Variants in CARD8 observed in about 807,000 individuals in gnomAD.
CARD8 encodes caspase recruitment domain family member 8.
In CARD8, 38 loss-of-function variants were observed where a neutral mutation model predicts 53.2. The observed-to-expected ratio is 0.71, with a 90% CI of 0.55 to 0.94. The LOEUF is 0.94. Among genes scored for constraint, CARD8 ranks in the 40% least tolerant of loss-of-function variants. The pLI is 0.00. For missense variants in CARD8, 561 were observed against 655.5 expected (o/e 0.86, Z 1.57); for synonymous variants, 245 against 244.9 (o/e 1.00, Z 0.00).
At chr19:48,240,218 T>C (rs1467490965) in intron 4 of CARD8, among the ~76,000 whole-genome samples, 1 of 152,172 alleles carries the variant, frequency 6.6e-6, no homozygotes, top group Non-Finnish European at 1.5e-5. Context: ...ATAAACCTGG[T>C]GCTGATGAGG....
At chr19:48,243,858 G>A (rs186178484) in intron 3 of CARD8, among the ~76,000 whole-genome samples, 41 of 152,104 alleles carry the variant, frequency 2.7e-4, no homozygotes, top group East Asian at 3.9e-4. Context: ...TTCAAGAAAC[G>A]AAATGGAATT....
At chr19:48,230,015 A>G (rs1365958779) in intron 10 of CARD8, among the ~76,000 whole-genome samples, 1 of 152,158 alleles carries the variant, frequency 6.6e-6, no homozygotes, top group African/African-American at 2.4e-5. Context: ...CAAGAGGCTG[A>G]GGCAGGAGAA....
intron 1 of CARD8, among the ~76,000 whole-genome samples, chr19:48,252,121 A>T (rs946059073): frequency 5.9e-5 from 9 of 152,152 alleles, no homozygotes; most frequent in African/African-American, 2.2e-4. Flanking sequence ...TTCCTCTCTA[A>T]GACAAGAATG....
At chr19:48,239,605 A>G (rs1448407688) in intron 4 of CARD8, among the ~76,000 whole-genome samples, 1 of 151,508 alleles carries the variant, frequency 6.6e-6, no homozygotes, top group African/African-American at 2.4e-5. Context: ...CCTCCCGAGT[A>G]GCTGGGATTA....
intron 12 of CARD8, among the ~76,000 whole-genome samples, chr19:48,216,056 G>A (rs1215203578): frequency 6.7e-6 from 1 of 150,330 alleles, no homozygotes; most frequent in African/African-American, 2.4e-5. Flanking sequence ...CTTCTGGGCA[G>A]AACATGAGCT....
chr19:48,214,590 T>A (rs375761576), intron 13 of CARD8, among the ~76,000 whole-genome samples: 1 of 151,900 alleles, frequency 6.6e-6, no homozygotes, highest in Non-Finnish European at 1.5e-5. Context: ...CGGGCCACTA[T>A]GCAGGCGACC....
At chr19:48,206,568 C>A (rs537755894), downstream of CARD8, 1 of 458,510 alleles carries the variant, frequency 2.2e-6, no homozygotes, top group Non-Finnish European at 4.4e-6. Context: ...TGATTGGTCA[C>A]GGGCCAATCC....
At position 48,221,713 on chromosome 19, in the gene CARD8, G is replaced by A; in HGVS notation, c.1161+17C>T. 6.6e-7 allele frequency: 1 copy of A among 1,522,008 alleles called. No homozygotes were observed. Among genetic ancestry groups the A allele is most frequent in the East Asian group, 2.3e-5 (1 of 43,386 alleles). The allele number at this position is 1,522,008 out of a possible 1,614,324, so 94.3% of individuals were successfully genotyped here. On this transcript the variant is annotated intron_variant, in intron 11 of 13. Coordinates refer to ENST00000651546, the MANE Select transcript of CARD8 (RefSeq NM_001184900.3). ...AACACTCTGAAACCTGCTGAGTTGGGTTTGAATTCTACTAACCTTGGGCAT... is the reference window on the plus strand; with the variant it reads ...AACACTCTGAAACCTGCTGAGTTGGATTTGAATTCTACTAACCTTGGGCAT...
chr19:48,206,566 C>A, downstream of CARD8: 3 of 458,622 alleles, frequency 6.5e-6, no homozygotes, highest in South Asian at 4.6e-5. Flanking sequence ...CTTGATTGGT[C>A]ACGGGCCAAT....
At position 48,208,517 on chromosome 19, in the gene CARD8, A is replaced by C. The variant is rs905804285; in HGVS notation, c.*3193T>G. On this transcript the variant is annotated 3_prime_UTR_variant, in exon 14 of 14. Coordinates refer to ENST00000651546, the MANE Select transcript of CARD8 (RefSeq NM_001184900.3). ...GATACAAATAAAACAGAGTCTCATAAGATAACATTCACATTTCGAGGGTAC... is the reference window on the plus strand; with the variant it reads ...GATACAAATAAAACAGAGTCTCATACGATAACATTCACATTTCGAGGGTAC... The C allele has an allele frequency of 6.6e-6, 1 of 152,222 alleles. No homozygotes were observed. The highest frequency in any genetic ancestry group is 2.4e-5 in the African/African-American group (1 of 41,448). The allele number at this position is 152,222 out of a possible 1,614,324, so 9.4% of individuals were successfully genotyped here.
At position 48,211,589 on chromosome 19, in the gene CARD8, G is replaced by A; in HGVS notation, c.*121C>T. 1 of 942,116 alleles carries A rather than the reference G, an allele frequency of 1.1e-6. No homozygotes were observed. Among genetic ancestry groups the A allele is most frequent in the Non-Finnish European group, 1.6e-6 (1 of 621,216 alleles). 58.4% of individuals were successfully genotyped at this position (942,116 alleles called of 1,614,324 possible). ...TTACAAGTCTGTCCTGAAAGCCTGTGTGATAGATGTTACCCAGTCTTCTTC... is the reference window on the plus strand; with the variant it reads ...TTACAAGTCTGTCCTGAAAGCCTGTATGATAGATGTTACCCAGTCTTCTTC... On this transcript the variant is annotated 3_prime_UTR_variant, in exon 14 of 14. Transcript: ENST00000651546.
intron 13 of CARD8, among the ~76,000 whole-genome samples, chr19:48,214,783 T>C (rs866931704): frequency 0.28 from 29,313 of 105,152 alleles, 4,823 homozygotes; most frequent in East Asian, 0.51. Context: ...TTTTTTTTTT[T>C]TTTTTTTTTT....
In CARD8 at chr19:48,218,351, TTC is replaced by T. The variant is rs1444343466; in HGVS notation, c.1303+518_1303+519del. On this transcript the variant is annotated intron_variant, in intron 12 of 13. Transcript: ENST00000651546. ...CTGCACGCATTAGCTATTTATCTTC[TTC>T]TTTTTTTTTTTTTTTTTTTTTCAGA... is the stretch of plus-strand genomic sequence containing the variant. Among the ~76,000 whole-genome samples, 161 of 120,384 alleles carry T rather than the reference TTC, an allele frequency of 1.3e-3. 1 individual carries two copies. Among genetic ancestry groups the T allele is most frequent in the African/African-American group, 4.4e-3 (147 of 33,228 alleles). 79.0% of individuals were successfully genotyped at this position (120,384 alleles called of 152,430 possible). A position where few individuals can be genotyped will look rare whatever the true frequency, so the allele number is the denominator to read the frequency against.
intron 12 of CARD8, among the ~76,000 whole-genome samples, chr19:48,217,884 A>T (rs560696654): frequency 5.9e-5 from 9 of 152,366 alleles, no homozygotes; most frequent in African/African-American, 2.2e-4. Flanking sequence ...AATGGATAAA[A>T]CATTTTCCAG....
downstream of CARD8, among the ~76,000 whole-genome samples, chr19:48,207,559 G>A (rs934719709): frequency 6.6e-6 from 1 of 151,884 alleles, no homozygotes; most frequent in East Asian, 1.9e-4. Flanking sequence ...TGTCCATTGC[G>A]ATTTACAAAC....
chr19:48,235,304 C>G lies in CARD8; in HGVS notation c.210-761G>C, dbSNP rs909931686. ...CCAAGATATTCAATGGCCAATATGA[C>G]AGCCACTAGCCACACCTGCCTATTT... On this transcript the variant is annotated intron_variant, in intron 5 of 13. Transcript: ENST00000651546. Among the ~76,000 whole-genome samples, 31 of 152,056 alleles carry G rather than the reference C, an allele frequency of 2.0e-4. 1 individual carries two copies. The highest frequency in any genetic ancestry group is 2.0e-3 in the Admixed American group (30 of 15,254).
rs531199248 is a variant in CARD8, at chr19:48,214,769, C to CTTTTTTTTT, written c.1348+562_1348+570dup. 3.6e-4 allele frequency among the ~76,000 whole-genome samples: 32 copies of CTTTTTTTTT among 89,562 alleles called. 1 individual carries two copies. The highest frequency in any genetic ancestry group is 6.7e-4 in the East Asian group (2 of 3,004). 58.8% of individuals were successfully genotyped at this position (89,562 alleles called of 152,430 possible). On this transcript the variant is annotated intron_variant, in intron 13 of 13. Coordinates refer to ENST00000651546, the MANE Select transcript of CARD8 (RefSeq NM_001184900.3). ...CCTTCCTTTCATTCCTGCTATAAAGCTTTTTTTTTTTTTTTTTTTTTTTTT... is the reference window on the plus strand; with the variant it reads ...CCTTCCTTTCATTCCTGCTATAAAGCTTTTTTTTTTTTTTTTTTTTTTTTTTTTTTTTTT...
chr19:48,240,768 CAAA>C (rs34345721), intron 4 of CARD8, among the ~76,000 whole-genome samples, 191 bp downstream of exon 4: 12 of 136,032 alleles, frequency 8.8e-5, no homozygotes, highest in East Asian at 2.2e-4. Flanking sequence ...GACTCTGTGT[CAAA>C]AAAAAAAAAA....
chr19:48,244,944 T>C (rs914578917), intron 3 of CARD8, among the ~76,000 whole-genome samples: 6 of 152,184 alleles, frequency 3.9e-5, no homozygotes, highest in Admixed American at 3.9e-4. Flanking sequence ...GCATAATATG[T>C]CTCTCTCAGG....
Sources: gnomAD v4.1 joint callset for allele counts (sites outside exome capture counted in the v4.1 genomes callset) on GRCh38, gnomAD v4.1.1 for gene constraint, MANE v1.5 for transcripts, NCBI Gene and HGNC (gene_info 2026-07-23, HGNC 2026-07-21) for gene names.